The following KALRN variants were observed in gnomAD, a reference collection of about 807,000 sequenced individuals.
KALRN encodes kalirin.
KALRN carries 70 observed loss-of-function variants against 353.7 expected under a neutral mutation model. The ratio of observed to expected loss-of-function variants is 0.20; its 90% CI spans 0.16 to 0.24. The LOEUF is 0.24. KALRN is among the 10% of genes least tolerant of loss of function. The pLI is 1.00. For synonymous variants in KALRN, 1,391 were observed against 1,434.8 expected (o/e 0.97, Z 0.69); for missense variants, 2,791 against 3,756.7 (o/e 0.74, Z 6.72).
intron 1 of KALRN, among the ~76,000 whole-genome samples, chr3:124,073,321 C>T (rs921966119): frequency 2.2e-4 from 34 of 152,154 alleles, no homozygotes; most frequent in African/African-American, 8.0e-4. Context: ...AGTAAATGGC[C>T]CACTCCTTTT....
rs533786385 is a variant in KALRN, at chr3:124,274,315, C to T, written c.969+5060C>T. On this transcript the variant is annotated intron_variant, in intron 5 of 59. Transcript: ENST00000682506. The stretch of plus-strand genomic sequence containing the variant: ...GCCAATGATAAGTATCAGAAAATAT[C>T]GAAACTCCCATCTGCCTTCTGATGT... Among the ~76,000 whole-genome samples the T allele has an allele frequency of 3.3e-5, 5 of 152,346 alleles. No individual in the cohort carries two copies. In the South Asian group the frequency reaches 6.2e-4, roughly 19 times the overall value.
intron 51 of KALRN, among the ~76,000 whole-genome samples, chr3:124,681,221 TG>T (rs1384455176): frequency 6.6e-6 from 1 of 152,172 alleles, no homozygotes; most frequent in Non-Finnish European, 1.5e-5. Context: ...GAAAATTAAC[TG>T]GGGTCATCGA....
chr3:124,355,851 G>A (rs2083343295), intron 10 of KALRN, among the ~76,000 whole-genome samples: 1 of 151,444 alleles, frequency 6.6e-6, no homozygotes, highest in Non-Finnish European at 1.5e-5. Flanking sequence ...AAGTAGCTGG[G>A]ATCAAAAGCA....
At chr3:124,658,983 GTGTT>G (rs2084460148) in intron 42 of KALRN, among the ~76,000 whole-genome samples, 1 of 152,208 alleles carries the variant, frequency 6.6e-6, no homozygotes, top group South Asian at 2.1e-4. Flanking sequence ...ACTCAGCTGA[GTGTT>G]TGGAGATCTA....
At position 124,145,393 on chromosome 3, in the gene KALRN, C is replaced by T. The variant is rs544851355; in HGVS notation, c.74-82597C>T. Among the ~76,000 whole-genome samples the T allele has an allele frequency of 2.0e-5, 3 of 152,316 alleles. No homozygotes were observed. In the East Asian group the frequency reaches 5.8e-4, roughly 29 times the overall value. On this transcript the variant is annotated intron_variant, in intron 1 of 59. Coordinates refer to ENST00000682506, the MANE Select transcript of KALRN (RefSeq NM_001388419.1). ...CCCAAGCTTCACCCCAGATCAATGACATTAAAAAGTCTCTGGGTCTGAGAT... is the reference window on the plus strand; with the variant it reads ...CCCAAGCTTCACCCCAGATCAATGATATTAAAAAGTCTCTGGGTCTGAGAT...
intron 1 of KALRN, among the ~76,000 whole-genome samples, chr3:124,184,252 A>C (rs948837027): frequency 2.0e-5 from 3 of 152,244 alleles, no homozygotes; most frequent in African/African-American, 7.2e-5. Flanking sequence ...TTATGTCTTC[A>C]TCTGTAAAGT....
intron 3 of KALRN, among the ~76,000 whole-genome samples, chr3:124,262,544 C>G (rs1356539009): frequency 6.6e-6 from 1 of 152,194 alleles, no homozygotes; most frequent in Non-Finnish European, 1.5e-5. Context: ...AGAGGCAACT[C>G]CTTTCCTTTG....
At chr3:124,073,313 TAAA>T (rs1285962112) in intron 1 of KALRN, among the ~76,000 whole-genome samples, 1 of 152,226 alleles carries the variant, frequency 6.6e-6, no homozygotes. Context: ...TTGGAAGCAG[TAAA>T]TGGCCCACTC....
chr3:124,299,015 G>A, intron 6 of KALRN, 102 bp downstream of exon 6: 1 of 1,453,068 alleles, frequency 6.9e-7, no homozygotes, highest in Non-Finnish European at 9.6e-7. Flanking sequence ...GAAGAACTGT[G>A]AACATGCTGA....
At chr3:124,423,786 A>G (rs1319081434) in intron 15 of KALRN, among the ~76,000 whole-genome samples, 1 of 152,210 alleles carries the variant, frequency 6.6e-6, no homozygotes, top group African/African-American at 2.4e-5. Context: ...AAGAAGGATC[A>G]CTTGAGTCCA....
chr3:124,187,733 G>A (rs1196563278), intron 1 of KALRN, among the ~76,000 whole-genome samples: 3 of 152,150 alleles, frequency 2.0e-5, no homozygotes, highest in South Asian at 4.1e-4. Flanking sequence ...AAGGGAACAG[G>A]CCAATTAAGT....
At chr3:124,431,671 A>G (rs567233162) in intron 16 of KALRN, among the ~76,000 whole-genome samples, 1 of 152,356 alleles carries the variant, frequency 6.6e-6, no homozygotes, top group South Asian at 2.1e-4. Flanking sequence ...AGCGTGTAAG[A>G]AATGCAAAGA....
chr3:124,340,879 C>T (rs1376655110), intron 9 of KALRN, among the ~76,000 whole-genome samples: 2 of 152,156 alleles, frequency 1.3e-5, no homozygotes, highest in Non-Finnish European at 2.9e-5. Flanking sequence ...TCGCTTGAAC[C>T]TGGGAGGCAG....
chr3:124,354,837 G>T (rs892514659), intron 10 of KALRN, among the ~76,000 whole-genome samples: 2 of 152,290 alleles, frequency 1.3e-5, no homozygotes. Context: ...CAGTGTATCA[G>T]GATGCTTCAC....
At chr3:124,512,749 GTACA>G (rs1386400340) in intron 33 of KALRN, among the ~76,000 whole-genome samples, 2 of 152,072 alleles carry the variant, frequency 1.3e-5, no homozygotes, top group African/African-American at 4.8e-5. Context: ...TTATGCATAT[GTACA>G]TACATACGTA....
chr3:124,358,658 G>C (rs1336228069), intron 10 of KALRN, among the ~76,000 whole-genome samples: 2 of 152,154 alleles, frequency 1.3e-5, no homozygotes, highest in African/African-American at 4.8e-5. Flanking sequence ...AACACCTACT[G>C]AGTACTTTCT....
intron 19 of KALRN, among the ~76,000 whole-genome samples, chr3:124,443,413 C>A (rs2093730828): frequency 6.6e-6 from 1 of 152,146 alleles, no homozygotes; most frequent in Non-Finnish European, 1.5e-5. Context: ...GAAGAGCTTC[C>A]CTCTTTGCTC....
At chr3:124,428,877 G>A (rs2093149070) in intron 15 of KALRN, among the ~76,000 whole-genome samples, 1 of 152,150 alleles carries the variant, frequency 6.6e-6, no homozygotes, top group African/African-American at 2.4e-5. Context: ...GACCCAAAGG[G>A]AGTCAAATTG....
chr3:124,441,799 C>T (rs1560954102), intron 18 of KALRN, 146 bp from the exon 19 acceptor site: 1 of 481,692 alleles, frequency 2.1e-6, no homozygotes, highest in Non-Finnish European at 3.8e-6. Context: ...GCACTGCAGC[C>T]TAGGCAACAG....
Sources: allele counts gnomAD v4.1 joint callset (sites outside exome capture counted in the v4.1 genomes callset), GRCh38; gene constraint gnomAD v4.1.1; transcripts MANE v1.5; gene names NCBI Gene and HGNC (gene_info 2026-07-23, HGNC 2026-07-21).